The following TXNL4B variants were observed in gnomAD, a reference collection of about 807,000 sequenced individuals.
TXNL4B encodes thioredoxin like 4B, also known as thioredoxin-like protein 4B.
A neutral mutation model predicts 13.0 loss-of-function variants in TXNL4B; 12 were observed. The ratio of observed to expected loss-of-function variants is 0.92; its 90% CI spans 0.59 to 1.49. TXNL4B has a LOEUF of 1.49. Ranked by LOEUF, TXNL4B falls within the 40% of genes most tolerant of loss-of-function variation. The pLI is 0.00. For synonymous variants in TXNL4B, 59 were observed against 58.9 expected, an observed-to-expected ratio of 1.00 and a Z score of -0.01; for missense variants, 214 against 173.6, an observed-to-expected ratio of 1.23 and a Z score of -1.31.
chr16:72,085,048 G>A lies in TXNL4B; in HGVS notation c.*1589C>T, dbSNP rs1316963687. On this transcript the variant is annotated 3_prime_UTR_variant, in exon 4 of 4. Coordinates refer to ENST00000268483, the MANE Select transcript of TXNL4B (RefSeq NM_017853.3). ...CTCCATGCATCATGATTAAACCAGA[G>A]ACAGGAAGTGTACGATGGAAGAGGC... The A allele has an allele frequency of 2.5e-6, 1 of 398,466 alleles. No homozygotes were observed. The highest frequency in any genetic ancestry group is 2.1e-5 in the African/African-American group (1 of 48,608). The allele number at this position is 398,466 out of a possible 1,614,324, so 24.7% of individuals were successfully genotyped here. A position where few individuals can be genotyped will look rare whatever the true frequency, so the allele number is the denominator to read the frequency against.
chr16:72,090,059 G>T, intron 2 of TXNL4B: 1 of 455,760 alleles, frequency 2.2e-6, no homozygotes, highest in East Asian at 6.9e-5. Context: ...TGTAACCACG[G>T]AAATGAGGAT....
rs1366980724 is a variant in TXNL4B at position 72,085,254 on chromosome 16, T to C, written c.*1383A>G. On this transcript the variant is annotated 3_prime_UTR_variant, in exon 4 of 4. Coordinates refer to ENST00000268483, the MANE Select transcript of TXNL4B (RefSeq NM_017853.3). ...GAATGGAGCCCCTGGCAAAGGGGGC[T>C]GGACTTGCAGTGACAGTGCTGCTCT... is the stretch of plus-strand genomic sequence containing the variant. 3 of 366,856 alleles carry C rather than the reference T, an allele frequency of 8.2e-6. No homozygotes were observed. The highest frequency in any genetic ancestry group is 7.9e-5 in the East Asian group (2 of 25,336). 22.7% of individuals were successfully genotyped at this position (366,856 alleles called of 1,614,324 possible). A position where few individuals can be genotyped will look rare whatever the true frequency, so the allele number is the denominator to read the frequency against.
At position 72,086,497 on chromosome 16, in the gene TXNL4B, G is replaced by A. The variant is rs980779120; in HGVS notation, c.*140C>T. ...AACCAGTGGGGTCTTTTCCTCAGGG[G>A]CCGGGTTTTCTACACGCAAGTCAAA... On this transcript the variant is annotated 3_prime_UTR_variant, in exon 4 of 4. Transcript: ENST00000268483. The A allele has an allele frequency of 5.9e-6, 4 of 672,544 alleles. No individual in the cohort carries two copies. The highest frequency in any genetic ancestry group is 5.5e-5 in the African/African-American group (3 of 54,932). 41.7% of individuals were successfully genotyped at this position (672,544 alleles called of 1,614,324 possible).
In TXNL4B at chr16:72,085,115, G is replaced by A; in HGVS notation, c.*1522C>T. On this transcript the variant is annotated 3_prime_UTR_variant, in exon 4 of 4. Coordinates refer to ENST00000268483, the MANE Select transcript of TXNL4B (RefSeq NM_017853.3). Reference sequence around the variant, plus strand: ...CTCCTCTCCTTTTGTCTTATTCCTGGAGTGACTCCCTCCTCTTATCAGCAG... The same window carrying A: ...CTCCTCTCCTTTTGTCTTATTCCTGAAGTGACTCCCTCCTCTTATCAGCAG... The A allele has an allele frequency of 2.5e-6, 1 of 398,174 alleles. No homozygotes were observed. Among genetic ancestry groups the A allele is most frequent in the Non-Finnish European group, 4.4e-6 (1 of 226,030 alleles). The allele number at this position is 398,174 out of a possible 1,614,324, so 24.7% of individuals were successfully genotyped here.
Position 72,085,257 on chromosome 16 carries a change from A to T in TXNL4B, c.*1380T>A, listed in dbSNP as rs2041806281. On this transcript the variant is annotated 3_prime_UTR_variant, in exon 4 of 4. Transcript: ENST00000268483. Reference sequence around the variant, plus strand: ...TGGAGCCCCTGGCAAAGGGGGCTGGACTTGCAGTGACAGTGCTGCTCTGAA... The same window carrying T: ...TGGAGCCCCTGGCAAAGGGGGCTGGTCTTGCAGTGACAGTGCTGCTCTGAA... The T allele has an allele frequency of 5.5e-6, 2 of 362,358 alleles. No homozygotes were observed. Among genetic ancestry groups the T allele is most frequent in the Non-Finnish European group, 9.8e-6 (2 of 204,078 alleles). 22.4% of individuals were successfully genotyped at this position (362,358 alleles called of 1,614,324 possible). A position where few individuals can be genotyped will look rare whatever the true frequency, so the allele number is the denominator to read the frequency against.
chr16:72,089,019 G>T lies in TXNL4B; in HGVS notation c.252C>A (p.Phe84Leu). 2 of 1,610,928 alleles carry T rather than the reference G, an allele frequency of 1.2e-6. No homozygotes were observed. Among genetic ancestry groups the T allele is most frequent in the Admixed American group, 1.7e-5 (1 of 59,908 alleles). The change falls in exon 3 of 4, where the codon TTC (phenylalanine) becomes TTA (leucine). Residue 84 changes from phenylalanine (F) to leucine (L), a missense_variant. Phe to Leu is a conservative substitution (Grantham distance 22). Transcript: ENST00000268483. Reference sequence around the variant, plus strand: ...CCACTTTCATATGCTGCCCATTGAAGAAAAAGACAGTAGATGGAATATAAC... The same window carrying T: ...CCACTTTCATATGCTGCCCATTGAATAAAAAGACAGTAGATGGAATATAAC... Reference protein sequence around the residue: ...DISYIPSTVFFFNGQHMKVDY... With the variant: ...DISYIPSTVFLFNGQHMKVDY...
chr16:72,089,321 G>A (rs567114540), intron 2 of TXNL4B, among the ~76,000 whole-genome samples, 183 bp from the exon 3 acceptor site: 24 of 152,322 alleles, frequency 1.6e-4, no homozygotes, highest in Admixed American at 1.2e-3. Flanking sequence ...TCACTGCAAC[G>A]GGGTTAGGAG....
rs2041829901 is a variant in TXNL4B, at chr16:72,086,798, G to A, written c.289C>T (p.Pro97Ser). 1 of 1,608,336 alleles carries A rather than the reference G, an allele frequency of 6.2e-7. No homozygotes were observed. Among genetic ancestry groups the A allele is most frequent in the Non-Finnish European group, 8.5e-7 (1 of 1,175,526 alleles). ...CTTCCCACAAACTTAGTGTGATCTG[G>A]AGATCTAGACAGCATAGAAGAGAAA... Reference protein sequence around the residue: ...GQHMKVDYGSPDHTKFVGSFK... With the variant: ...GQHMKVDYGSSDHTKFVGSFK... The change falls in exon 4 of 4, where the codon CCA becomes TCA. Residue 97 changes from proline (P) to serine (S), a missense_variant. By Grantham distance (74) the Pro-to-Ser change is moderately conservative (BLOSUM62 -1). Coordinates refer to ENST00000268483, the MANE Select transcript of TXNL4B (RefSeq NM_017853.3).
chr16:72,091,648 G>A (rs2041906429), intron 1 of TXNL4B, among the ~76,000 whole-genome samples: 2 of 152,176 alleles, frequency 1.3e-5, no homozygotes. Flanking sequence ...TTTCTTGCAT[G>A]TGTTACACTT....
rs1221816363 is a variant in TXNL4B, at chr16:72,085,798, A to C, written c.*839T>G. On this transcript the variant is annotated 3_prime_UTR_variant, in exon 4 of 4. Coordinates refer to ENST00000268483, the MANE Select transcript of TXNL4B (RefSeq NM_017853.3). Reference sequence around the variant, plus strand: ...GGAGGGCAGATCACGAGGTCAGGAGATCGAGACCATCTTGGCTAACACGGT... The same window carrying C: ...GGAGGGCAGATCACGAGGTCAGGAGCTCGAGACCATCTTGGCTAACACGGT... The C allele has an allele frequency of 1.3e-5, 2 of 152,276 alleles. No individual in the cohort carries two copies. Among genetic ancestry groups the C allele is most frequent in the Non-Finnish European group, 2.9e-5 (2 of 68,088 alleles). The allele number at this position is 152,276 out of a possible 1,614,324, so 9.4% of individuals were successfully genotyped here.
intron 1 of TXNL4B, among the ~76,000 whole-genome samples, chr16:72,092,568 G>A (rs1467556526): frequency 6.6e-6 from 1 of 152,216 alleles, no homozygotes; most frequent in Admixed American, 6.5e-5. Flanking sequence ...GAAAGGGAAG[G>A]TCAAAGAGAA....
At chr16:72,090,269 T>C in intron 2 of TXNL4B, 9 of 452,998 alleles carry the variant, frequency 2.0e-5, no homozygotes, top group Admixed American at 7.5e-5. Context: ...TTACTTGACC[T>C]CTCTGGTTTT....
Position 72,090,742 on chromosome 16 carries a change from A to G in TXNL4B, c.8T>C (p.Phe3Ser). The change falls in exon 2 of 4, where the codon TTC (phenylalanine) becomes TCC (serine). Residue 3 changes from phenylalanine to serine, a missense_variant. Physicochemically the swap from Phe to Ser is radical, Grantham distance 155. Transcript: ENST00000268483. MS[F>S]LLPKLTSKKE... ...TTTGCTAGTCAGCTTGGGCAGTAGG[A>G]AGCTCATCTTGAAATAACCCAAATG... 2 of 1,614,146 alleles carry G rather than the reference A, an allele frequency of 1.2e-6. No homozygotes were observed. Among genetic ancestry groups the G allele is most frequent in the Non-Finnish European group, 1.7e-6 (2 of 1,180,024 alleles).
chr16:72,086,454 C>T lies in TXNL4B; in HGVS notation c.*183G>A, dbSNP rs560368088. 8.5e-5 allele frequency: 43 copies of T among 507,364 alleles called. No homozygotes were observed. Among genetic ancestry groups the T allele is most frequent in the African/African-American group, 6.5e-4 (34 of 52,314 alleles). The allele number at this position is 507,364 out of a possible 1,614,324, so 31.4% of individuals were successfully genotyped here. A position where few individuals can be genotyped will look rare whatever the true frequency, so the allele number is the denominator to read the frequency against. On this transcript the variant is annotated 3_prime_UTR_variant, in exon 4 of 4. Coordinates refer to ENST00000268483, the MANE Select transcript of TXNL4B (RefSeq NM_017853.3). ...GGCTTGCAGGGAGTAGACAGTTAGG[C>T]ATCCCAGGTCATCAGAGAACCAGTG...
intron 2 of TXNL4B, among the ~76,000 whole-genome samples, 155 bp from the exon 3 acceptor site, chr16:72,089,293 C>T (rs146992179): frequency 1.3e-5 from 2 of 152,342 alleles, no homozygotes; most frequent in East Asian, 1.9e-4. Flanking sequence ...AGCATAACCC[C>T]ATCCTCCAGA....
Position 72,085,248 on chromosome 16 carries a change from G to A in TXNL4B, c.*1389C>T. ...GGGGTGGAATGGAGCCCCTGGCAAAGGGGGCTGGACTTGCAGTGACAGTGC... is the reference window on the plus strand; with the variant it reads ...GGGGTGGAATGGAGCCCCTGGCAAAAGGGGCTGGACTTGCAGTGACAGTGC... On this transcript the variant is annotated 3_prime_UTR_variant, in exon 4 of 4. Transcript: ENST00000268483. 1 of 371,844 alleles carries A rather than the reference G, an allele frequency of 2.7e-6. No homozygotes were observed. The highest frequency in any genetic ancestry group is 3.9e-5 in the East Asian group (1 of 25,828). 23.0% of individuals were successfully genotyped at this position (371,844 alleles called of 1,614,324 possible).
Position 72,086,721 on chromosome 16 carries a change from T to C in TXNL4B, c.366A>G (p.Gly122=). The change falls in exon 4 of 4, where the codon GGA becomes GGG. Residue 122 remains glycine, a synonymous_variant. Coordinates refer to ENST00000268483, the MANE Select transcript of TXNL4B (RefSeq NM_017853.3). ...FIDLIEVIYR[G]AMRGKLIVQS... ...GGACAATAAGCTTCCCCCTCATTGC[T>C]CCTCGATAGATTACTTCAATCAAAT... 1 of 1,613,996 alleles carries C rather than the reference T, an allele frequency of 6.2e-7. No individual in the cohort carries two copies. The highest frequency in any genetic ancestry group is 8.5e-7 in the Non-Finnish European group (1 of 1,179,832).
At chr16:72,093,661 C>G (rs217735), upstream of TXNL4B, 12 of 152,306 alleles carry the variant, frequency 7.9e-5, no homozygotes, top group Non-Finnish European at 1.5e-4. Context: ...CGGCTCTGAC[C>G]GGAAGCTAGG....
intron 1 of TXNL4B, among the ~76,000 whole-genome samples, chr16:72,092,194 T>TGA (rs2041917433): frequency 6.6e-6 from 1 of 152,184 alleles, no homozygotes; most frequent in Admixed American, 6.5e-5. Flanking sequence ...GGATCACCTA[T>TGA]GGCCAGGAAT....
Sources: allele counts gnomAD v4.1 joint callset (sites outside exome capture counted in the v4.1 genomes callset), GRCh38; gene constraint gnomAD v4.1.1; transcripts MANE v1.5; gene names NCBI Gene and HGNC (gene_info 2026-07-23, HGNC 2026-07-21).